The following LRRFIP1 variants were observed in gnomAD, a reference collection of about 807,000 sequenced individuals.
LRRFIP1 encodes LRR binding FLII interacting protein 1.
LRRFIP1 carries 62 observed loss-of-function variants against 104.4 expected under a neutral mutation model. The observed-to-expected ratio is 0.59, with a 90% CI of 0.48 to 0.73. The LOEUF (loss-of-function observed/expected upper bound fraction) is 0.73, where lower values mean the gene tolerates loss of function less well. LRRFIP1 is among the 30% of genes least tolerant of loss of function. The pLI, the probability that LRRFIP1 is intolerant of heterozygous loss-of-function variation, is 0.00. For synonymous variants in LRRFIP1, 300 were observed against 299.0 expected (o/e 1.00, Z -0.03); for missense variants, 796 against 824.5 (o/e 0.97, Z 0.42).
At chr2:237,761,270 A>G (rs2059838704) in intron 19 of LRRFIP1, among the ~76,000 whole-genome samples, 1 of 152,222 alleles carries the variant, frequency 6.6e-6, no homozygotes, top group Non-Finnish European at 1.5e-5. Context: ...TCACACTTCT[A>G]ATCCCAGCGC....
chr2:237,751,363 G>A, intron 14 of LRRFIP1, 92 bp downstream of exon 14: 1 of 1,041,456 alleles, frequency 9.6e-7, no homozygotes, highest in Non-Finnish European at 1.4e-6. Flanking sequence ...CAAAGTGCAT[G>A]CTTACTGTAA....
chr2:237,700,553 A>T (rs528378549), intron 1 of LRRFIP1, among the ~76,000 whole-genome samples: 1 of 152,334 alleles, frequency 6.6e-6, no homozygotes, highest in Admixed American at 6.5e-5. Flanking sequence ...GAATGTGTGT[A>T]ATTAATAGGA....
chr2:237,751,292 G>A (rs1431686715), intron 14 of LRRFIP1, 21 bp downstream of exon 14: 1 of 1,572,792 alleles, frequency 6.4e-7, no homozygotes. Context: ...ACAGACGTGT[G>A]GTCTCACGAT....
chr2:237,737,785 G>T (rs1381240436), intron 10 of LRRFIP1, among the ~76,000 whole-genome samples: 1 of 152,160 alleles, frequency 6.6e-6, no homozygotes, highest in African/African-American at 2.4e-5. Context: ...TATCTCAAAT[G>T]TGGCATTGAT....
At chr2:237,715,419 G>GA (rs1343403760) in intron 3 of LRRFIP1, among the ~76,000 whole-genome samples, 1 of 152,190 alleles carries the variant, frequency 6.6e-6, no homozygotes, top group Non-Finnish European at 1.5e-5. Flanking sequence ...CCAAAACCTG[G>GA]AAGAGGGGCT....
At chr2:237,768,269 CTATT>C (rs1261778743) in intron 19 of LRRFIP1, 8 of 152,216 alleles carry the variant, frequency 5.3e-5, no homozygotes, top group Non-Finnish European at 1.2e-4. Context: ...AGTTTCTTCT[CTATT>C]TATAATGTTC....
intron 1 of LRRFIP1, among the ~76,000 whole-genome samples, chr2:237,707,633 T>C (rs772395621): frequency 6.6e-6 from 1 of 152,188 alleles, no homozygotes; most frequent in Non-Finnish European, 1.5e-5. Context: ...ACTTATGCCA[T>C]CGAGCTTACG....
intron 1 of LRRFIP1, among the ~76,000 whole-genome samples, chr2:237,694,658 C>T (rs566567901): frequency 5.4e-4 from 82 of 152,260 alleles, no homozygotes; most frequent in Non-Finnish European, 9.7e-4. Flanking sequence ...AGAGGAGAGC[C>T]GGGTTGGTCA....
At position 237,635,825 on chromosome 2, in the gene LRRFIP1, G is replaced by T. The variant is rs530398835; in HGVS notation, c.96+8085G>T. On this transcript the variant is annotated intron_variant, in intron 1 of 23. Coordinates refer to ENST00000308482, the MANE Select transcript of LRRFIP1 (RefSeq NM_001137550.2). Reference sequence around the variant, plus strand: ...AAAAGAAAAGAAAAAGTGAGTGGGTGTGGTGGCTCATACCTGTAATTCCAA... The same window carrying T: ...AAAAGAAAAGAAAAAGTGAGTGGGTTTGGTGGCTCATACCTGTAATTCCAA... Among the ~76,000 whole-genome samples, 38 of 152,228 alleles carry T rather than the reference G, an allele frequency of 2.5e-4. No homozygotes were observed. The South Asian group carries it at 6.2e-3, about 25-fold the overall frequency.
intron 1 of LRRFIP1, among the ~76,000 whole-genome samples, chr2:237,690,655 G>C (rs1342094595): frequency 1.3e-5 from 2 of 151,308 alleles, no homozygotes; most frequent in African/African-American, 4.9e-5. Flanking sequence ...GAGAATCGCT[G>C]GAACCCGGGA....
chr2:237,733,672 T>C, intron 8 of LRRFIP1, 102 bp from the exon 9 acceptor site: 1 of 1,158,168 alleles, frequency 8.6e-7, no homozygotes, highest in Non-Finnish European at 1.3e-6. Context: ...TGTACAGCAG[T>C]TGGCTATGGT....
intron 1 of LRRFIP1, among the ~76,000 whole-genome samples, chr2:237,672,089 ATTAC>A (rs1270439464): frequency 1.3e-5 from 2 of 151,956 alleles, no homozygotes; most frequent in Non-Finnish European, 2.9e-5. Context: ...TCAGCAGACA[ATTAC>A]TTAGGCAGAA....
intron 6 of LRRFIP1, 74 bp from the exon 7 acceptor site, chr2:237,723,474 A>T: frequency 1.4e-6 from 2 of 1,431,750 alleles, no homozygotes; most frequent in Non-Finnish European, 2.0e-6. Context: ...TTTATGTTTT[A>T]CTTAGCTTTT....
intron 8 of LRRFIP1, among the ~76,000 whole-genome samples, chr2:237,729,370 G>T (rs183932289): frequency 6.6e-6 from 1 of 152,376 alleles, no homozygotes; most frequent in East Asian, 1.9e-4. Flanking sequence ...CCAGGGCTGA[G>T]CTATAGCCCG....
At chr2:237,679,818 G>A (rs2091602516) in intron 1 of LRRFIP1, among the ~76,000 whole-genome samples, 1 of 152,138 alleles carries the variant, frequency 6.6e-6, no homozygotes, top group African/African-American at 2.4e-5. Flanking sequence ...ATGTTGGTCA[G>A]GCTGGTCTCA....
At chr2:237,731,308 G>T (rs559664008) in intron 8 of LRRFIP1, among the ~76,000 whole-genome samples, 3 of 152,214 alleles carry the variant, frequency 2.0e-5, no homozygotes, top group Admixed American at 6.5e-5. Flanking sequence ...GGGTTGGGGG[G>T]TATCTTTTTC....
chr2:237,735,024 A>G lies in LRRFIP1; in HGVS notation c.490-244A>G, dbSNP rs2095187549. On this transcript the variant is annotated intron_variant, in intron 9 of 23. Transcript: ENST00000308482. This position sits in a 1 kb window ranked among gnomAD's most constrained non-coding sequence, Gnocchi z 4.6. The stretch of plus-strand genomic sequence containing the variant: ...ATGTTTTCCAAAGTAATAGATTTAA[A>G]TGGTCTGTTGGAGATTACATTGCAC... 6.6e-6 allele frequency among the ~76,000 whole-genome samples: 1 copy of G among 152,148 alleles called. No homozygotes were observed. Among genetic ancestry groups the G allele is most frequent in the Non-Finnish European group, 1.5e-5 (1 of 68,022 alleles).
At chr2:237,693,892 C>T (rs890913728) in intron 1 of LRRFIP1, among the ~76,000 whole-genome samples, 2 of 152,156 alleles carry the variant, frequency 1.3e-5, no homozygotes, top group Non-Finnish European at 2.9e-5. Flanking sequence ...GGCTGGGAGC[C>T]TCCTGGGCGG....
chr2:237,698,747 C>T (rs145453188), intron 1 of LRRFIP1, among the ~76,000 whole-genome samples: 23 of 152,294 alleles, frequency 1.5e-4, no homozygotes, highest in African/African-American at 5.3e-4. Flanking sequence ...GCCTGAGCAC[C>T]AGGCACCCAG....
Sources: gnomAD v4.1 joint callset for allele counts (sites outside exome capture counted in the v4.1 genomes callset) on GRCh38, gnomAD v4.1.1 for gene constraint, Gnocchi (gnomAD v3.1) non-coding constraint, MANE v1.5 for transcripts, NCBI Gene and HGNC (gene_info 2026-07-23, HGNC 2026-07-21) for gene names.